Variants in AK4 observed in about 807,000 individuals in gnomAD.
The protein encoded by AK4 is adenylate kinase 4, mitochondrial.
A neutral mutation model predicts 24.6 loss-of-function variants in AK4; 13 were observed. The ratio of observed to expected loss-of-function variants is 0.53; its 90% CI spans 0.34 to 0.84. AK4 has a LOEUF of 0.84. AK4 is among the 40% of genes least tolerant of loss of function. The pLI is 0.01. For synonymous variants in AK4, 88 were observed against 107.0 expected, an observed-to-expected ratio of 0.82 and a Z score of 1.10; for missense variants, 192 against 288.2, an observed-to-expected ratio of 0.67 and a Z score of 2.42.
At chr1:65,183,770 T>C (rs1342370844) in intron 1 of AK4, among the ~76,000 whole-genome samples, 1 of 152,048 alleles carries the variant, frequency 6.6e-6, no homozygotes, top group Non-Finnish European at 1.5e-5. Context: ...TACAGGTCTT[T>C]TCTTTTTAAC....
At chr1:65,168,272 A>C (rs771397167) in intron 1 of AK4, among the ~76,000 whole-genome samples, 3 of 149,678 alleles carry the variant, frequency 2.0e-5, no homozygotes, top group Non-Finnish European at 4.4e-5. Context: ...TCAGCCTCCC[A>C]AGTAGCTGGG....
chr1:65,216,534 C>T (rs1652136157), intron 2 of AK4, among the ~76,000 whole-genome samples: 1 of 151,756 alleles, frequency 6.6e-6, no homozygotes, highest in Non-Finnish European at 1.5e-5. Context: ...TTGGAAGCCA[C>T]TGCTTTAGAA....
At chr1:65,215,002 C>T (rs1039326627) in intron 2 of AK4, among the ~76,000 whole-genome samples, 1 of 152,102 alleles carries the variant, frequency 6.6e-6, no homozygotes, top group Non-Finnish European at 1.5e-5. Context: ...GTCATACTTG[C>T]ACTGTTGCTG....
chr1:65,224,036 T>C (rs1442577054), intron 3 of AK4, among the ~76,000 whole-genome samples: 1 of 152,130 alleles, frequency 6.6e-6, no homozygotes, highest in Non-Finnish European at 1.5e-5. Context: ...TAATCAGAAC[T>C]AGCAGTTAAG....
At chr1:65,204,447 C>G (rs1267529888) in intron 2 of AK4, among the ~76,000 whole-genome samples, 1 of 152,114 alleles carries the variant, frequency 6.6e-6, no homozygotes, top group East Asian at 1.9e-4. Flanking sequence ...GTGACCCACC[C>G]GCTTTGGCCT....
In AK4 at chr1:65,228,846, AT is replaced by A. The variant is rs1557474612; in HGVS notation, c.*2672del. The A allele has an allele frequency of 6.6e-6, 1 of 151,932 alleles. No homozygotes were observed. The highest frequency in any genetic ancestry group is 1.5e-5 in the Non-Finnish European group (1 of 67,988). The allele number at this position is 151,932 out of a possible 1,614,324, so 9.4% of individuals were successfully genotyped here. On this transcript the variant is annotated 3_prime_UTR_variant, in exon 5 of 5. Transcript: ENST00000327299. Reference sequence around the variant, plus strand: ...GTCATTCTACCCAGCTCTTAATTCAATTTGCTTCCATTATCCTAACAGGCTT... The same window carrying A: ...GTCATTCTACCCAGCTCTTAATTCAATTGCTTCCATTATCCTAACAGGCTT...
Position 65,205,268 on chromosome 1 carries a change from T to C in AK4, c.266-13486T>C, listed in dbSNP as rs1433672013. On this transcript the variant is annotated intron_variant, in intron 2 of 4. Transcript: ENST00000327299. Reference sequence around the variant, plus strand: ...TTATTTGTTAAATAGAGACAGGTCTTGCTCTGGCACCCAGGCAAGAGTGCG... The same window carrying C: ...TTATTTGTTAAATAGAGACAGGTCTCGCTCTGGCACCCAGGCAAGAGTGCG... Among the ~76,000 whole-genome samples the C allele has an allele frequency of 2.0e-5, 3 of 152,344 alleles. No homozygotes were observed. The East Asian group carries it at 5.8e-4, about 29-fold the overall frequency.
At chr1:65,173,291 G>A (rs1472267323) in intron 1 of AK4, among the ~76,000 whole-genome samples, 1 of 152,136 alleles carries the variant, frequency 6.6e-6, no homozygotes, top group East Asian at 1.9e-4. Context: ...GTGACCCTGG[G>A]TAACAGTCCA....
chr1:65,191,527 G>C (rs182932917), intron 2 of AK4, among the ~76,000 whole-genome samples: 1 of 151,632 alleles, frequency 6.6e-6, no homozygotes, highest in Non-Finnish European at 1.5e-5. Context: ...AGATAGATGA[G>C]TGGGGATAGG....
At chr1:65,185,219 A>C (rs529891412) in intron 1 of AK4, among the ~76,000 whole-genome samples, 61 of 152,082 alleles carry the variant, frequency 4.0e-4, no homozygotes, top group Non-Finnish European at 7.6e-4. Flanking sequence ...CCTGCGACCC[A>C]TGTAGGCACG....
intron 1 of AK4, among the ~76,000 whole-genome samples, chr1:65,158,547 C>T (rs1179023232): frequency 6.6e-6 from 1 of 152,166 alleles, no homozygotes; most frequent in Non-Finnish European, 1.5e-5. Flanking sequence ...GTTGCCCAGG[C>T]CGAAGTGCAG....
At position 65,152,808 on chromosome 1, in the gene AK4, A is replaced by G. The variant is rs533438575; in HGVS notation, c.145+4256A>G. ...TTTTTGAAAAGATGGCCTAGTTCAG[A>G]GGGCTCAGGGTTCTTTTTGGTGCTC... is the stretch of plus-strand genomic sequence containing the variant. On this transcript the variant is annotated intron_variant, in intron 1 of 4. Transcript: ENST00000327299. Among the ~76,000 whole-genome samples the G allele has an allele frequency of 2.3e-4, 35 of 152,242 alleles. 1 individual carries two copies. The East Asian group carries it at 6.4e-3, about 28-fold the overall frequency.
intron 4 of AK4, among the ~76,000 whole-genome samples, chr1:65,225,455 C>T (rs1337510052): frequency 6.6e-6 from 1 of 152,130 alleles, no homozygotes; most frequent in Admixed American, 6.5e-5. Flanking sequence ...CAATGATTCC[C>T]ATTTTTCAGG....
intron 2 of AK4, among the ~76,000 whole-genome samples, chr1:65,205,316 T>C (rs1483286648): frequency 9.9e-5 from 15 of 152,182 alleles, no homozygotes; most frequent in Admixed American, 9.8e-4. Context: ...TGTTAATAGC[T>C]TGCTGCACTC....
chr1:65,226,040 G>T lies in AK4; in HGVS notation c.558-23G>T, dbSNP rs757869386. ...TGGAAAAGAAACCTAAAAAGCCATT[G>T]TATGTTGGGCTTTGTTTTTCAGGAG... On this transcript the variant is annotated intron_variant, in intron 4 of 4. Transcript: ENST00000327299. 2.7e-5 allele frequency: 44 copies of T among 1,610,464 alleles called. 1 individual carries two copies. The East Asian group carries it at 9.4e-4, about 34-fold the overall frequency.
At chr1:65,212,907 G>A (rs1250816659) in intron 2 of AK4, among the ~76,000 whole-genome samples, 1 of 152,204 alleles carries the variant, frequency 6.6e-6, no homozygotes, top group Non-Finnish European at 1.5e-5. Context: ...TAAGAGGTAA[G>A]TAAATTTATA....
chr1:65,218,768 T>G lies in AK4; in HGVS notation c.280T>G (p.Leu94Val), dbSNP rs746819643. The G allele has an allele frequency of 2.8e-5, 44 of 1,588,258 alleles. No individual in the cohort carries two copies. Among genetic ancestry groups the G allele is most frequent in the Non-Finnish European group, 3.7e-5 (43 of 1,168,790 alleles). Residue 94 changes from leucine to valine, a missense_variant, in exon 3 of 5, where the codon TTA becomes GTA. Coordinates refer to ENST00000327299, the MANE Select transcript of AK4 (RefSeq NM_013410.4). ...TTTGCATTTAGGTTTTCCTAGGACA[T>G]TAGGACAAGCCGAAGCCCTGGACAA... is the stretch of plus-strand genomic sequence containing the variant. ...HWLLDGFPRT[L>V]GQAEALDKIC...
chr1:65,201,621 C>T (rs1049072181), intron 2 of AK4, among the ~76,000 whole-genome samples: 1 of 152,088 alleles, frequency 6.6e-6, no homozygotes, highest in Non-Finnish European at 1.5e-5. Context: ...ACCTCATAGT[C>T]CAGGAGTGCC....
chr1:65,201,205 A>G (rs1651653769), intron 2 of AK4, among the ~76,000 whole-genome samples: 2 of 152,204 alleles, frequency 1.3e-5, no homozygotes, highest in South Asian at 4.1e-4. Flanking sequence ...TACGTTCTGC[A>G]CCCTTGCTGT....
Sources: allele counts gnomAD v4.1 joint callset (sites outside exome capture counted in the v4.1 genomes callset), GRCh38; gene constraint gnomAD v4.1.1; transcripts MANE v1.5; gene names NCBI Gene and HGNC (gene_info 2026-07-23, HGNC 2026-07-21).